POLD2: variants seen among roughly 807,000 people sequenced by gnomAD.
POLD2 encodes DNA polymerase delta 2, accessory subunit, also known as DNA polymerase delta subunit 2.
A neutral mutation model predicts 48.8 loss-of-function variants in POLD2; 31 were observed. The observed-to-expected ratio is 0.64, with a 90% CI of 0.48 to 0.86. The LOEUF (loss-of-function observed/expected upper bound fraction) is 0.86, where lower values mean the gene tolerates loss of function less well. Ranked by LOEUF, POLD2 falls within the 40% of genes least tolerant of loss-of-function variation. The pLI is 0.00. For synonymous variants in POLD2, 233 were observed against 256.3 expected (o/e 0.91, Z 0.87); for missense variants, 455 against 610.1 (o/e 0.75, Z 2.68).
In POLD2 at chr7:44,123,516, G is replaced by C; in HGVS notation, c.-62C>G. ...TTTCCCTGGACCCCACTCACCGCGC[G>C]GCGCGCCGCATCCCGCCAATCCCCG... On this transcript the variant is annotated 5_prime_UTR_variant, in exon 1 of 11. Transcript: ENST00000610533. The C allele has an allele frequency of 6.7e-7, 1 of 1,481,692 alleles. No individual in the cohort carries two copies. Among genetic ancestry groups the C allele is most frequent in the South Asian group, 1.3e-5 (1 of 78,348 alleles). 91.8% of individuals were successfully genotyped at this position (1,481,692 alleles called of 1,614,324 possible). A position where few individuals can be genotyped will look rare whatever the true frequency, so the allele number is the denominator to read the frequency against.
chr7:44,121,799 C>CT lies in POLD2; in HGVS notation c.220+34dup. 1 of 1,590,260 alleles carries CT rather than the reference C, an allele frequency of 6.3e-7. No individual in the cohort carries two copies. The highest frequency in any genetic ancestry group is 1.7e-5 in the Admixed American group (1 of 58,856). On this transcript the variant is annotated intron_variant, in intron 2 of 10. Transcript: ENST00000610533. This position sits in a 1 kb window ranked among gnomAD's most constrained non-coding sequence, Gnocchi z 4.5. ...CAGAACACTTCTAAGTTCAGGGATG[C>CT]TGTGGGGGAAGCACCTTCCCAAACT...
In POLD2 at chr7:44,116,270, G is replaced by C. The variant is rs1183654166; in HGVS notation, c.864C>G (p.Ala288=). ...MLDEILLQLS[A]SVPVDVMPGE... Reference sequence around the variant, plus strand: ...CTGGCATCACGTCCACGGGCACTGAGGCCTGGAAGGCACAGGGCAGGGAGA... The same window carrying C: ...CTGGCATCACGTCCACGGGCACTGACGCCTGGAAGGCACAGGGCAGGGAGA... The change falls in exon 8 of 11, where the codon GCC becomes GCG. Residue 288 remains alanine, a splice_region_variant and synonymous_variant. Coordinates refer to ENST00000610533, the MANE Select transcript of POLD2 (RefSeq NM_006230.4). This position sits in a 1 kb window ranked among gnomAD's most constrained non-coding sequence, Gnocchi z 6.1. 6.2e-7 allele frequency: 1 copy of C among 1,608,104 alleles called. No homozygotes were observed. Among genetic ancestry groups the C allele is most frequent in the Non-Finnish European group, 8.5e-7 (1 of 1,176,706 alleles).
At chr7:44,123,666 A>G, upstream of POLD2, 1 of 1,378,038 alleles carries the variant, frequency 7.3e-7, no homozygotes, top group Non-Finnish European at 9.3e-7. Flanking sequence ...CCCGCCGACC[A>G]CTGTGCGCCC....
chr7:44,124,225 C>T (rs1316830953), upstream of POLD2: 1 of 152,164 alleles, frequency 6.6e-6, no homozygotes, highest in African/African-American at 2.4e-5. Flanking sequence ...GTTCTTACCA[C>T]CACGTCTTTC....
At chr7:44,119,789 G>A (rs1315982997) in intron 2 of POLD2, among the ~76,000 whole-genome samples, 2 of 152,198 alleles carry the variant, frequency 1.3e-5, no homozygotes, top group Admixed American at 6.5e-5. Flanking sequence ...TCAGCCCACT[G>A]GGTCTAGGCA....
At chr7:44,122,327 T>C in intron 1 of POLD2, 1 of 1,351,182 alleles carries the variant, frequency 7.4e-7, no homozygotes, top group South Asian at 1.9e-5. Flanking sequence ...TAGGAGTGTT[T>C]GTCCCATCTG....
intron 9 of POLD2, 88 bp from the exon 10 acceptor site, chr7:44,115,484 T>C: frequency 1.1e-6 from 1 of 907,572 alleles, no homozygotes; most frequent in Non-Finnish European, 1.8e-6. Flanking sequence ...CTCCTCCCAT[T>C]GCAGGCCAGT....
rs760437325 is a variant in POLD2 at position 44,121,907 on chromosome 7, C to T, written c.147G>A (p.Gln49=). Residue 49 remains glutamine, a synonymous_variant, in exon 2 of 11, where the codon CAG becomes CAA. Coordinates refer to ENST00000610533, the MANE Select transcript of POLD2 (RefSeq NM_006230.4). The surrounding 1 kb of genome is among the most constrained non-coding windows in gnomAD (Gnocchi z 4.5). Reference sequence around the variant, plus strand: ...GGCGGGTGGCATAAATGTGGGCATACTGCCGGCTAAAGCTGCGCTCTCCTA... The same window carrying T: ...GGCGGGTGGCATAAATGTGGGCATATTGCCGGCTAAAGCTGCGCTCTCCTA... ...FRLGERSFSR[Q]YAHIYATRLI... 5 of 1,613,784 alleles carry T rather than the reference C, an allele frequency of 3.1e-6. No homozygotes were observed. In the South Asian group the frequency reaches 4.4e-5, roughly 14 times the overall value.
In POLD2 at chr7:44,116,728, A is replaced by G; in HGVS notation, c.780+89T>C. The G allele has an allele frequency of 1.4e-6, 2 of 1,432,642 alleles. No individual in the cohort carries two copies. The highest frequency in any genetic ancestry group is 1.9e-6 in the Non-Finnish European group (2 of 1,030,042). 88.7% of individuals were successfully genotyped at this position (1,432,642 alleles called of 1,614,324 possible). A position where few individuals can be genotyped will look rare whatever the true frequency, so the allele number is the denominator to read the frequency against. On this transcript the variant is annotated intron_variant, in intron 6 of 10. Transcript: ENST00000610533. This position sits in a 1 kb window ranked among gnomAD's most constrained non-coding sequence, Gnocchi z 6.1. Reference sequence around the variant, plus strand: ...TTCCCACCGACCTGCGAGACCTCACAGGGTACCCTACTCGCCCTGGGGAAG... The same window carrying G: ...TTCCCACCGACCTGCGAGACCTCACGGGGTACCCTACTCGCCCTGGGGAAG...
rs768900010 is a variant in POLD2, at chr7:44,117,002, C to G, written c.595G>C (p.Val199Leu). ...PLDTDRFVLL[V>L]SGLGLGGGGG... The stretch of plus-strand genomic sequence containing the variant: ...CCGCCACCCAGGCCCAGGCCGGACA[C>G]CAGTAGCACAAACCTGCGGGAGAAG... The change falls in exon 6 of 11, where the codon GTG becomes CTG. Residue 199 changes from valine (V) to leucine (L), a missense_variant. Transcript: ENST00000610533. 1 of 1,613,448 alleles carries G rather than the reference C, an allele frequency of 6.2e-7. No homozygotes were observed. The highest frequency in any genetic ancestry group is 1.1e-5 in the South Asian group (1 of 91,024).
chr7:44,123,448 G>A (rs2128813382), intron 1 of POLD2, 63 bp downstream of exon 1: 2 of 1,492,488 alleles, frequency 1.3e-6, no homozygotes. Flanking sequence ...CGACCCAGGA[G>A]CCCGGCCTCG....
At chr7:44,122,604 C>G in intron 1 of POLD2, 1 of 304,476 alleles carries the variant, frequency 3.3e-6, no homozygotes, top group Non-Finnish European at 4.8e-6. Flanking sequence ...AAAGTGTCCT[C>G]ATTTCATTGA....
In POLD2 at chr7:44,116,159, G is replaced by C. The variant is rs753945854; in HGVS notation, c.975C>G (p.Leu325=). The change falls in exon 8 of 11, where the codon CTC becomes CTG. Residue 325 remains leucine, a synonymous_variant. Transcript: ENST00000610533. The surrounding 1 kb of genome is among the most constrained non-coding windows in gnomAD (Gnocchi z 6.1). The part of the protein sequence containing the change: ...MFPLATAYST[L]QLVTNPYQAT... ...CCTGGTAGGGGTTGGTGACCAGCTGGAGCGTGGAGTAGGCAGTGGCCAGCG... is the reference window on the plus strand; with the variant it reads ...CCTGGTAGGGGTTGGTGACCAGCTGCAGCGTGGAGTAGGCAGTGGCCAGCG... The C allele has an allele frequency of 1.1e-5, 17 of 1,613,806 alleles. No individual in the cohort carries two copies. In the Admixed American group the frequency reaches 2.5e-4, roughly 24 times the overall value.
In POLD2 at chr7:44,117,149, G is replaced by C. The variant is rs771520076; in HGVS notation, c.565C>G (p.Pro189Ala). The change falls in exon 5 of 11, where the codon CCA becomes GCA. Residue 189 changes from proline to alanine, a missense_variant. Around this residue, in one of 3 missense-constraint regions of POLD2, gnomAD observed 349 missense variants for 437.4 expected, o/e 0.80. Coordinates refer to ENST00000610533, the MANE Select transcript of POLD2 (RefSeq NM_006230.4). The part of the protein sequence containing the change: ...ADLAPQKPAP[P>A]LDTDRFVLLV... ...GCTGCTCACCTATCTGTGTCAAGTG[G>C]GGGTGCGGGCTTCTGGGGAGCAAGG... 3.1e-5 allele frequency: 50 copies of C among 1,613,810 alleles called. No individual in the cohort carries two copies. The Admixed American group carries it at 7.7e-4, about 25-fold the overall frequency.
At position 44,115,347 on chromosome 7, in the gene POLD2, C is replaced by T. The variant is rs3217970; in HGVS notation, c.1197G>A (p.Pro399=). Residue 399 remains proline (P), a synonymous_variant, in exon 10 of 11, where the codon CCG becomes CCA. Transcript: ENST00000610533. The stretch of plus-strand genomic sequence containing the variant: ...GGGTGTTGCCACAAAAGTAGACATG[C>T]GGGCACTCTGGGAAGATGAACGGGT... The part of the protein sequence containing the change: ...KTDPFIFPEC[P]HVYFCGNTPS... 122 of 1,614,016 alleles carry T rather than the reference C, an allele frequency of 7.6e-5. No homozygotes were observed. In the Admixed American group the frequency reaches 1.5e-3, roughly 20 times the overall value.
chr7:44,123,231 A>C, intron 1 of POLD2: 1 of 1,341,550 alleles, frequency 7.5e-7, no homozygotes. Context: ...ACGGGACAGC[A>C]CTGGCCTGGG....
chr7:44,118,517 T>C (rs2096243841), intron 2 of POLD2, among the ~76,000 whole-genome samples: 2 of 152,144 alleles, frequency 1.3e-5, no homozygotes, highest in Admixed American at 6.5e-5. Context: ...GTTGTTTCTG[T>C]TTTTGTTTTT....
Position 44,116,318 on chromosome 7 carries a change from C to G in POLD2, c.862-46G>C, listed in dbSNP as rs746742035. 6.3e-6 allele frequency: 10 copies of G among 1,598,254 alleles called. No individual in the cohort carries two copies. In the South Asian group the frequency reaches 1.0e-4, roughly 16 times the overall value. On this transcript the variant is annotated intron_variant, in intron 7 of 10. Coordinates refer to ENST00000610533, the MANE Select transcript of POLD2 (RefSeq NM_006230.4). The surrounding 1 kb of genome is among the most constrained non-coding windows in gnomAD (Gnocchi z 6.1). ...AGAGCTCACAGGGCCCCGAAGGAGC[C>G]CCCTACACCAACTCCGGCCACTCCC... is the stretch of plus-strand genomic sequence containing the variant.
Position 44,117,965 on chromosome 7 carries a change from A to G in POLD2, c.320T>C (p.Ile107Thr), listed in dbSNP as rs756641394. Residue 107 changes from isoleucine (I) to threonine (T), a missense_variant, in exon 3 of 11, where the codon ATC becomes ACC. Physicochemically the swap from Ile to Thr is moderately conservative, Grantham distance 89. Coordinates refer to ENST00000610533, the MANE Select transcript of POLD2 (RefSeq NM_006230.4). ...CACCTCCTCGCTGACCTCCCGCAGG[A>G]TGGAGGGCTGCAGCGGCATGGCCTT... ...LFKAMPLQPS[I>T]LREVSEEHNL... 2 of 1,614,100 alleles carry G rather than the reference A, an allele frequency of 1.2e-6. No individual in the cohort carries two copies. The highest frequency in any genetic ancestry group is 2.2e-5 in the South Asian group (2 of 91,080).
Sources: allele counts gnomAD v4.1 joint callset (sites outside exome capture counted in the v4.1 genomes callset), GRCh38; gene constraint gnomAD v4.1.1; regional missense constraint gnomAD v4.1.1; non-coding constraint Gnocchi (gnomAD v3.1); transcripts MANE v1.5; gene names NCBI Gene and HGNC (gene_info 2026-07-23, HGNC 2026-07-21).